Variants in MIGA1 observed in about 807,000 individuals in gnomAD.
MIGA1 encodes the protein mitoguardin 1.
MIGA1 carries 58 observed loss-of-function variants against 82.0 expected under a neutral mutation model. The observed-to-expected ratio is 0.71, with a 90% CI of 0.57 to 0.88. The LOEUF (loss-of-function observed/expected upper bound fraction) is 0.88. MIGA1 is among the 40% of genes least tolerant of loss of function. The probability of loss-of-function intolerance (pLI) is 0.00; values close to 1 mark genes in which losing one functional copy is unlikely to be tolerated. For synonymous variants in MIGA1, 249 were observed against 253.6 expected (o/e 0.98, Z 0.17); for missense variants, 751 against 749.1 (o/e 1.00, Z -0.03).
At chr1:77,836,727 G>A (rs977239500) in intron 7 of MIGA1, among the ~76,000 whole-genome samples, 5 of 152,052 alleles carry the variant, frequency 3.3e-5, no homozygotes, top group African/African-American at 9.7e-5. Flanking sequence ...CAGAAACCAC[G>A]CTTTTACCCA....
At chr1:77,788,323 G>T (rs1682262642) in intron 2 of MIGA1, among the ~76,000 whole-genome samples, 1 of 152,056 alleles carries the variant, frequency 6.6e-6, no homozygotes. Flanking sequence ...ATTTTTAGTA[G>T]AGACGGGGTT....
chr1:77,860,763 GA>G (rs1169187540), intron 11 of MIGA1: 1 of 153,760 alleles, frequency 6.5e-6, no homozygotes, highest in African/African-American at 2.4e-5. Context: ...GCAACTTAAA[GA>G]ATAAAGTGTT....
chr1:77,874,108 G>T (rs1646873480), intron 15 of MIGA1, among the ~76,000 whole-genome samples: 1 of 152,256 alleles, frequency 6.6e-6, no homozygotes, highest in African/African-American at 2.4e-5. Flanking sequence ...ACGTTTGGAA[G>T]ATACGTTATT....
chr1:77,861,654 G>A (rs1685459063), intron 12 of MIGA1: 1 of 226,468 alleles, frequency 4.4e-6, no homozygotes. Context: ...GACAGCTTTG[G>A]GTAGTACAAC....
At chr1:77,869,639 G>C (rs1026886670) in intron 14 of MIGA1, among the ~76,000 whole-genome samples, 1 of 140,770 alleles carries the variant, frequency 7.1e-6, no homozygotes, top group African/African-American at 2.6e-5. Context: ...TTCCCAGTAG[G>C]GGCGGCCGGG....
intron 5 of MIGA1, among the ~76,000 whole-genome samples, chr1:77,813,369 CT>C (rs1683431372): frequency 6.6e-6 from 1 of 152,058 alleles, no homozygotes; most frequent in African/African-American, 2.4e-5. Context: ...ATTAGTTTTC[CT>C]TTTAATTTAC....
intron 1 of MIGA1, chr1:77,782,815 C>G (rs1681982389): frequency 5.2e-6 from 5 of 956,924 alleles, no homozygotes; most frequent in Non-Finnish European, 6.2e-6. Context: ...GTTCCAGATT[C>G]CATTCAGCAA....
intron 13 of MIGA1, 24 bp from the exon 14 acceptor site, chr1:77,866,313 CT>C: frequency 6.2e-7 from 1 of 1,610,188 alleles, no homozygotes; most frequent in Non-Finnish European, 8.5e-7. Flanking sequence ...ATATATAAAT[CT>C]TTCTTTTCTC....
At chr1:77,837,713 T>C (rs893068985) in intron 7 of MIGA1, among the ~76,000 whole-genome samples, 1 of 152,192 alleles carries the variant, frequency 6.6e-6, no homozygotes, top group African/African-American at 2.4e-5. Context: ...TTCTTGAAAG[T>C]GTTTGGTTAT....
intron 2 of MIGA1, among the ~76,000 whole-genome samples, chr1:77,796,692 G>A (rs761418042): frequency 2.0e-5 from 3 of 152,182 alleles, no homozygotes; most frequent in South Asian, 2.1e-4. Context: ...TGTCACTTAG[G>A]TCAGCGCCTT....
chr1:77,870,115 A>G (rs1484082047), intron 14 of MIGA1, among the ~76,000 whole-genome samples: 3 of 87,384 alleles, frequency 3.4e-5, no homozygotes, highest in Non-Finnish European at 2.4e-5. Context: ...TCCCTCCTGG[A>G]CGGGGCGACT....
At chr1:77,793,711 C>T (rs1682530716) in intron 2 of MIGA1, among the ~76,000 whole-genome samples, 1 of 151,590 alleles carries the variant, frequency 6.6e-6, no homozygotes, top group African/African-American at 2.4e-5. Context: ...GTGATCTGCC[C>T]ACCTCAGCCT....
intron 5 of MIGA1, among the ~76,000 whole-genome samples, chr1:77,810,681 C>T (rs759915643): frequency 5.5e-4 from 84 of 152,342 alleles, no homozygotes; most frequent in Non-Finnish European, 9.3e-4. Context: ...GAGTCCTATA[C>T]GTCAGTGATG....
intron 2 of MIGA1, among the ~76,000 whole-genome samples, chr1:77,785,737 G>T (rs185694070): frequency 6.6e-6 from 1 of 152,202 alleles, no homozygotes; most frequent in Non-Finnish European, 1.5e-5. Flanking sequence ...TCCCATGGTC[G>T]TAGGTAGCTC....
chr1:77,786,075 A>G (rs571685155), intron 2 of MIGA1, among the ~76,000 whole-genome samples: 4 of 152,214 alleles, frequency 2.6e-5, no homozygotes, highest in Non-Finnish European at 4.4e-5. Flanking sequence ...CCAAACTCCA[A>G]TTCTTGATTT....
rs1355761608 is a variant in MIGA1 at position 77,810,738 on chromosome 1, C to T, written c.638-2996C>T. 7.1e-5 allele frequency: 78 copies of T among 1,102,792 alleles called. 1 individual carries two copies. Among genetic ancestry groups the T allele is most frequent in the African/African-American group, 5.8e-4 (37 of 63,496 alleles). The allele number at this position is 1,102,792 out of a possible 1,614,324, so 68.3% of individuals were successfully genotyped here. A position where few individuals can be genotyped will look rare whatever the true frequency, so the allele number is the denominator to read the frequency against. ...GTACAGCTTTGCATTGGACTCCGTC[C>T]GGCCTACTGGTCTGGGTACGGCTTG... On this transcript the variant is annotated intron_variant, in intron 5 of 15. Coordinates refer to ENST00000370791, the MANE Select transcript of MIGA1 (RefSeq NM_198549.4).
intron 8 of MIGA1, chr1:77,847,472 G>T (rs958867232): frequency 7.0e-7 from 1 of 1,434,154 alleles, no homozygotes; most frequent in Non-Finnish European, 9.8e-7. Context: ...AAAAAAGAAT[G>T]GAAAAGAAAA....
At chr1:77,847,119 G>C (rs1684873005) in intron 8 of MIGA1, 2 of 906,024 alleles carry the variant, frequency 2.2e-6, no homozygotes. Flanking sequence ...TGGTGATTCT[G>C]GGCAGGCAGT....
chr1:77,852,045 C>T (rs964809316), intron 8 of MIGA1, among the ~76,000 whole-genome samples: 6 of 151,794 alleles, frequency 4.0e-5, no homozygotes, highest in African/African-American at 9.7e-5. Context: ...CCACCATACC[C>T]GGCTAATTTT....
Sources: allele counts gnomAD v4.1 joint callset (sites outside exome capture counted in the v4.1 genomes callset), GRCh38; gene constraint gnomAD v4.1.1; transcripts MANE v1.5; gene names NCBI Gene and HGNC (gene_info 2026-07-23, HGNC 2026-07-21).